EMP2: variants seen among roughly 807,000 people sequenced by gnomAD.
The protein encoded by EMP2 is epithelial membrane protein 2.
A neutral mutation model predicts 13.7 loss-of-function variants in EMP2; 19 were observed. That is an observed-to-expected ratio of 1.38 (90% CI 0.97 to 2.03). The LOEUF (loss-of-function observed/expected upper bound fraction) is 2.03, where lower values mean the gene tolerates loss of function less well. EMP2 is among the 30% of genes most tolerant of loss of function. The probability of loss-of-function intolerance (pLI) is 0.00; values close to 1 mark genes in which losing one functional copy is unlikely to be tolerated. For synonymous variants in EMP2, 97 were observed against 84.7 expected (o/e 1.15, Z -0.80); for missense variants, 253 against 220.7 (o/e 1.15, Z -0.93).
At chr16:10,560,843 G>A (rs1035156924) in intron 1 of EMP2, among the ~76,000 whole-genome samples, 5 of 152,292 alleles carry the variant, frequency 3.3e-5, no homozygotes, top group Admixed American at 2.0e-4. Context: ...AGCACGTTCC[G>A]GGCTGGGCCC....
intron 1 of EMP2, among the ~76,000 whole-genome samples, chr16:10,562,551 A>G (rs1335194180): frequency 6.6e-6 from 1 of 152,154 alleles, no homozygotes; most frequent in Non-Finnish European, 1.5e-5. Context: ...CCACAGACAC[A>G]TGAATGAGCC....
chr16:10,532,955 A>G lies in EMP2; in HGVS notation c.454T>C (p.Cys152Arg). The change falls in exon 5 of 5, where the codon TGC (cysteine) becomes CGC (arginine). Residue 152 changes from cysteine to arginine, a missense_variant. Coordinates refer to ENST00000359543, the MANE Select transcript of EMP2 (RefSeq NM_001424.6). ...SYILAWVAFA[C>R]TFISGMMYLI... is the part of the protein sequence containing the mutation. ...TACATCATGCCGCTGATGAAGGTGC[A>G]GGCGAAGGCCACCCACGCCAGGATG... is the stretch of plus-strand genomic sequence containing the variant. 1.2e-6 allele frequency: 2 copies of G among 1,606,482 alleles called. No homozygotes were observed. The highest frequency in any genetic ancestry group is 1.3e-5 in the African/African-American group (1 of 74,826).
At chr16:10,566,936 C>G (rs933324419) in intron 1 of EMP2, among the ~76,000 whole-genome samples, 2 of 152,168 alleles carry the variant, frequency 1.3e-5, no homozygotes, top group South Asian at 2.1e-4. Context: ...CCTCCCACCC[C>G]TCAGAGTAGT....
chr16:10,570,684 T>C (rs553913397), intron 1 of EMP2, among the ~76,000 whole-genome samples: 1 of 151,662 alleles, frequency 6.6e-6, no homozygotes. Flanking sequence ...AGGCATGAGC[T>C]ACCACATCTG....
chr16:10,568,361 A>G lies in EMP2; in HGVS notation c.-61+12188T>C, dbSNP rs1400719376. On this transcript the variant is annotated intron_variant, in intron 1 of 4. Transcript: ENST00000359543. ...ATATACACCAATATATGTATTTTAT[A>G]TATGTATATATTTATGTATTATTAT... Among the ~76,000 whole-genome samples the G allele has an allele frequency of 2.6e-5, 4 of 152,130 alleles. No homozygotes were observed. In the East Asian group the frequency reaches 7.7e-4, roughly 29 times the overall value.
At chr16:10,554,327 C>T (rs1411485346) in intron 1 of EMP2, among the ~76,000 whole-genome samples, 3 of 152,142 alleles carry the variant, frequency 2.0e-5, no homozygotes, top group African/African-American at 4.8e-5. Context: ...CCACCGTGCC[C>T]GACCAAGCAC....
At position 10,566,511 on chromosome 16, in the gene EMP2, C is replaced by T. The variant is rs183945267; in HGVS notation, c.-61+14038G>A. ...TGAAATCAGAAGAACTGAAAGAGAA[C>T]TGAAAAGGGAATCGCTTTCCCACCA... is the stretch of plus-strand genomic sequence containing the variant. On this transcript the variant is annotated intron_variant, in intron 1 of 4. Coordinates refer to ENST00000359543, the MANE Select transcript of EMP2 (RefSeq NM_001424.6). Among the ~76,000 whole-genome samples, 141 of 152,292 alleles carry T rather than the reference C, an allele frequency of 9.3e-4. 2 individuals carry two copies. Among genetic ancestry groups the T allele is most frequent in the Non-Finnish European group, 1.2e-4 (8 of 68,024 alleles).
chr16:10,569,856 G>C (rs887224745), intron 1 of EMP2, among the ~76,000 whole-genome samples: 3 of 152,202 alleles, frequency 2.0e-5, no homozygotes, highest in Non-Finnish European at 2.9e-5. Flanking sequence ...TGTCACACTG[G>C]TATAAACGGA....
At chr16:10,555,845 C>T (rs2050823690) in intron 1 of EMP2, among the ~76,000 whole-genome samples, 1 of 152,166 alleles carries the variant, frequency 6.6e-6, no homozygotes, top group Non-Finnish European at 1.5e-5. Context: ...CCTCGGCCTC[C>T]CAAAGTGCTG....
At chr16:10,567,362 T>C (rs1208835502) in intron 1 of EMP2, among the ~76,000 whole-genome samples, 1 of 152,198 alleles carries the variant, frequency 6.6e-6, no homozygotes, top group Admixed American at 6.5e-5. Flanking sequence ...AATATAGCAT[T>C]CTCTTCCCCT....
chr16:10,544,915 G>C (rs577394751), intron 2 of EMP2: 1 of 152,240 alleles, frequency 6.6e-6, no homozygotes, highest in African/African-American at 2.4e-5. Flanking sequence ...CAATGGATGG[G>C]ATGACCAGAC....
chr16:10,553,870 T>C (rs1000452226), intron 1 of EMP2, among the ~76,000 whole-genome samples: 1 of 152,208 alleles, frequency 6.6e-6, no homozygotes, highest in African/African-American at 2.4e-5. Flanking sequence ...TATTTAAAGA[T>C]AGATTCCTAA....
At chr16:10,556,275 C>T (rs570137578) in intron 1 of EMP2, among the ~76,000 whole-genome samples, 2 of 151,956 alleles carry the variant, frequency 1.3e-5, no homozygotes, top group East Asian at 1.9e-4. Flanking sequence ...GCTTCAGTTC[C>T]TTCCAATTTT....
At chr16:10,554,698 C>CCTAT (rs376837474) in intron 1 of EMP2, among the ~76,000 whole-genome samples, 4 of 152,270 alleles carry the variant, frequency 2.6e-5, no homozygotes, top group African/African-American at 9.6e-5. Flanking sequence ...CACCCCAACC[C>CCTAT]CTATGCCTGC....
intron 1 of EMP2, among the ~76,000 whole-genome samples, chr16:10,548,805 C>A (rs1031961738): frequency 6.6e-6 from 1 of 152,188 alleles, no homozygotes; most frequent in African/African-American, 2.4e-5. Flanking sequence ...CAAAAAAATA[C>A]AACAAGTGGC....
Position 10,570,184 on chromosome 16 carries a change from C to G in EMP2, c.-61+10365G>C, listed in dbSNP as rs190907042. 9.3e-5 allele frequency among the ~76,000 whole-genome samples: 14 copies of G among 150,742 alleles called. No individual in the cohort carries two copies. In the East Asian group the frequency reaches 2.6e-3, roughly 27 times the overall value. ...ACTAATGGCAGAGGAGAAAACCTGA[C>G]TTAACTTAGGGCTAGAAAGTGTCCC... On this transcript the variant is annotated intron_variant, in intron 1 of 4. Coordinates refer to ENST00000359543, the MANE Select transcript of EMP2 (RefSeq NM_001424.6).
At chr16:10,569,884 G>C (rs560633358) in intron 1 of EMP2, among the ~76,000 whole-genome samples, 1 of 152,212 alleles carries the variant, frequency 6.6e-6, no homozygotes, top group African/African-American at 2.4e-5. Context: ...CATGCCACTC[G>C]GGCCTGATGT....
At chr16:10,539,297 C>A (rs1393864880) in intron 3 of EMP2, among the ~76,000 whole-genome samples, 1 of 152,102 alleles carries the variant, frequency 6.6e-6, no homozygotes, top group African/African-American at 2.4e-5. Context: ...TGAAAACTCA[C>A]TGGAGTGAAC....
intron 4 of EMP2, among the ~76,000 whole-genome samples, chr16:10,535,543 A>AC (rs1457458139): frequency 5.9e-5 from 9 of 152,046 alleles, no homozygotes; most frequent in African/African-American, 2.2e-4. Flanking sequence ...ACATAGTGAA[A>AC]CCCCATCTCT....
Sources: allele counts gnomAD v4.1 joint callset (sites outside exome capture counted in the v4.1 genomes callset), GRCh38; gene constraint gnomAD v4.1.1; transcripts MANE v1.5; gene names NCBI Gene and HGNC (gene_info 2026-07-23, HGNC 2026-07-21).